CSMD1: variants seen among roughly 807,000 people sequenced by gnomAD.
CSMD1 encodes the protein CUB and sushi domain-containing protein 1.
CSMD1 carries 213 observed loss-of-function variants against 417.5 expected under a neutral mutation model. The ratio of observed to expected loss-of-function variants is 0.51; its 90% CI spans 0.46 to 0.57. CSMD1 has a LOEUF of 0.57. Among genes scored for constraint, CSMD1 ranks in the 20% least tolerant of loss-of-function variants. The pLI is 0.00. For missense variants in CSMD1, 6,923 were observed against 4,529.7 expected, an observed-to-expected ratio of 1.53 and a Z score of -15.17; for synonymous variants, 2,862 against 1,736.8, an observed-to-expected ratio of 1.65 and a Z score of -16.11.
intron 3 of CSMD1, among the ~76,000 whole-genome samples, chr8:4,183,235 C>G (rs1798477041): frequency 6.6e-6 from 1 of 152,084 alleles, no homozygotes; most frequent in Non-Finnish European, 1.5e-5. Context: ...AGAAGATCAT[C>G]TCTAAGAAAA....
intron 3 of CSMD1, among the ~76,000 whole-genome samples, chr8:4,377,751 A>T (rs974206427): frequency 6.6e-6 from 1 of 152,224 alleles, no homozygotes; most frequent in African/African-American, 2.4e-5. Context: ...AACAACTATT[A>T]GGCTATCAGG....
intron 3 of CSMD1, among the ~76,000 whole-genome samples, chr8:4,122,055 TTAAAA>T (rs1802515689): frequency 6.6e-6 from 1 of 152,144 alleles, no homozygotes; most frequent in African/African-American, 2.4e-5. Context: ...CATGTTCCTT[TTAAAA>T]TAAATTTATA....
chr8:3,252,663 A>G (rs1455877724), intron 26 of CSMD1, among the ~76,000 whole-genome samples: 1 of 152,196 alleles, frequency 6.6e-6, no homozygotes, highest in Non-Finnish European at 1.5e-5. Context: ...TACCTCTGGT[A>G]GAATTTGGCT....
rs369911265 is a variant in CSMD1 at position 4,366,642 on chromosome 8, T to A, written c.415+53311A>T. Among the ~76,000 whole-genome samples, 294 of 152,306 alleles carry A rather than the reference T, an allele frequency of 1.9e-3. 1 individual carries two copies. The highest frequency in any genetic ancestry group is 6.7e-3 in the African/African-American group (277 of 41,576). ...CAATTTTGACTCATGAGAGATGGTA[T>A]CTCATCGTGGTTTTGATTTGCATGT... On this transcript the variant is annotated intron_variant, in intron 3 of 69. Coordinates refer to ENST00000635120, the MANE Select transcript of CSMD1 (RefSeq NM_033225.6).
At chr8:4,643,271 G>A (rs887641117) in intron 1 of CSMD1, among the ~76,000 whole-genome samples, 9 of 152,238 alleles carry the variant, frequency 5.9e-5, no homozygotes, top group Admixed American at 2.6e-4. Context: ...CAGGGGCAGT[G>A]TCGATCCTTT....
intron 23 of CSMD1, among the ~76,000 whole-genome samples, chr8:3,310,641 T>A (rs1563258048): frequency 6.6e-6 from 1 of 152,190 alleles, no homozygotes. Flanking sequence ...TCAGCATCTA[T>A]CCCTATGATC....
chr8:4,412,624 C>G (rs1796711074), intron 3 of CSMD1, among the ~76,000 whole-genome samples: 1 of 152,148 alleles, frequency 6.6e-6, no homozygotes, highest in Non-Finnish European at 1.5e-5. Flanking sequence ...TTGCAATGGT[C>G]TATTCCAACG....
In CSMD1 at chr8:4,924,745, A is replaced by AC. The variant is rs1554520851; in HGVS notation, c.85+69586dup. On this transcript the variant is annotated intron_variant, in intron 1 of 69. Coordinates refer to ENST00000635120, the MANE Select transcript of CSMD1 (RefSeq NM_033225.6). The stretch of plus-strand genomic sequence containing the variant: ...CTCAAAAAAAAAAAAAAAAAAAAAA[A>AC]CCTACAAAAAACTTTTATAAACATT... Among the ~76,000 whole-genome samples the AC allele has an allele frequency of 1.5e-4, 22 of 149,734 alleles. 1 individual carries two copies. Among genetic ancestry groups the AC allele is most frequent in the African/African-American group, 5.2e-4 (21 of 40,502 alleles).
intron 7 of CSMD1, among the ~76,000 whole-genome samples, chr8:3,659,741 A>G (rs915432726): frequency 6.6e-6 from 1 of 152,148 alleles, no homozygotes; most frequent in African/African-American, 2.4e-5. Flanking sequence ...TAATTCCCCC[A>G]ACACCCCTAT....
intron 3 of CSMD1, among the ~76,000 whole-genome samples, chr8:4,250,064 G>A (rs1256229455): frequency 6.6e-6 from 1 of 152,168 alleles, no homozygotes; most frequent in African/African-American, 2.4e-5. Flanking sequence ...GGCTCTCAGA[G>A]TGGGCTACCC....
chr8:3,584,235 T>C (rs909575229), intron 9 of CSMD1, among the ~76,000 whole-genome samples: 8 of 152,124 alleles, frequency 5.3e-5, no homozygotes, highest in Admixed American at 2.0e-4. Flanking sequence ...GAACAGAAGA[T>C]TGACAAAGCC....
chr8:3,883,538 T>C (rs763082477), intron 5 of CSMD1, among the ~76,000 whole-genome samples: 5 of 152,174 alleles, frequency 3.3e-5, no homozygotes, highest in Admixed American at 6.5e-5. Flanking sequence ...TTATGTACTA[T>C]TTAATAACTA....
chr8:4,984,450 T>C (rs1337081008), intron 1 of CSMD1, among the ~76,000 whole-genome samples: 1 of 152,226 alleles, frequency 6.6e-6, no homozygotes, highest in Non-Finnish European at 1.5e-5. Context: ...AGGGTGGCCC[T>C]GAGCATCAGT....
chr8:4,173,315 G>C (rs1403646180), intron 3 of CSMD1, among the ~76,000 whole-genome samples: 2 of 152,164 alleles, frequency 1.3e-5, no homozygotes, highest in African/African-American at 2.4e-5. Context: ...TGGGAAATTT[G>C]TGCTGTATAT....
chr8:3,685,792 T>C (rs1197175484), intron 7 of CSMD1, among the ~76,000 whole-genome samples: 3 of 152,146 alleles, frequency 2.0e-5, no homozygotes, highest in African/African-American at 4.8e-5. Flanking sequence ...ATTGAAGTTA[T>C]ATACATTTAT....
intron 3 of CSMD1, among the ~76,000 whole-genome samples, chr8:4,194,794 C>G (rs1028459862): frequency 2.0e-5 from 3 of 151,994 alleles, no homozygotes; most frequent in South Asian, 2.1e-4. Flanking sequence ...CTTCATGAGA[C>G]TCTTTGGTCA....
At chr8:3,246,883 T>G (rs1036934433) in intron 26 of CSMD1, among the ~76,000 whole-genome samples, 1 of 152,232 alleles carries the variant, frequency 6.6e-6, no homozygotes, top group Admixed American at 6.5e-5. Context: ...ATTTTTGGAA[T>G]TAGAGTTCCA....
At chr8:4,551,646 G>C (rs1423929639) in intron 2 of CSMD1, among the ~76,000 whole-genome samples, 1 of 151,912 alleles carries the variant, frequency 6.6e-6, no homozygotes, top group Non-Finnish European at 1.5e-5. Context: ...GACAATGTTG[G>C]TCCCAACACT....
intron 2 of CSMD1, among the ~76,000 whole-genome samples, chr8:4,590,046 ACATTT>A (rs950481501): frequency 6.6e-6 from 1 of 152,328 alleles, no homozygotes; most frequent in African/African-American, 2.4e-5. Context: ...TAACAATATT[ACATTT>A]ATTTATTTTG....
Sources: allele counts gnomAD v4.1 joint callset (sites outside exome capture counted in the v4.1 genomes callset), GRCh38; gene constraint gnomAD v4.1.1; transcripts MANE v1.5; gene names NCBI Gene and HGNC (gene_info 2026-07-23, HGNC 2026-07-21).